The following EPM2A variants were observed in gnomAD, a reference collection of about 807,000 sequenced individuals.
EPM2A encodes EPM2A glucan phosphatase, laforin.
EPM2A carries 21 observed loss-of-function variants against 26.5 expected under a neutral mutation model. The ratio of observed to expected loss-of-function variants is 0.79; its 90% CI spans 0.56 to 1.14. The LOEUF (loss-of-function observed/expected upper bound fraction) is 1.14. Among genes scored for constraint, EPM2A ranks in the 50% most tolerant of loss-of-function variants. The pLI is 0.00. For synonymous variants in EPM2A, 217 were observed against 177.6 expected (o/e 1.22, Z -1.76); for missense variants, 458 against 440.8 (o/e 1.04, Z -0.35).
At chr6:145,430,536 G>C (rs975182822) in intron 4 of EPM2A, among the ~76,000 whole-genome samples, 9 of 151,872 alleles carry the variant, frequency 5.9e-5, no homozygotes, top group Non-Finnish European at 1.3e-4. Flanking sequence ...GGAGGGCGGA[G>C]GTTGCAGTGA....
At chr6:145,655,632 G>A (rs1199213559) in intron 2 of EPM2A, among the ~76,000 whole-genome samples, 1 of 152,140 alleles carries the variant, frequency 6.6e-6, no homozygotes, top group Non-Finnish European at 1.5e-5. Context: ...TATGGTACCT[G>A]AAGAGGATGT....
chr6:145,648,461 T>C (rs1356957725), intron 2 of EPM2A, among the ~76,000 whole-genome samples: 1 of 152,228 alleles, frequency 6.6e-6, no homozygotes, highest in Non-Finnish European at 1.5e-5. Flanking sequence ...TTTTTATTAA[T>C]TATAACCCAT....
intron 2 of EPM2A, among the ~76,000 whole-genome samples, chr6:145,542,694 A>G (rs1780529679): frequency 1.3e-5 from 2 of 152,092 alleles, no homozygotes; most frequent in African/African-American, 4.8e-5. Context: ...TCTTTAGTCT[A>G]TGATACTTGG....
chr6:145,387,905 T>G (rs1778284576), intron 4 of EPM2A, among the ~76,000 whole-genome samples: 1 of 151,964 alleles, frequency 6.6e-6, no homozygotes. Flanking sequence ...GGTGGTTTTC[T>G]GTCAGGTTGA....
intron 4 of EPM2A, among the ~76,000 whole-genome samples, chr6:145,445,217 T>G (rs1222485823): frequency 2.0e-5 from 3 of 152,198 alleles, no homozygotes; most frequent in Non-Finnish European, 4.4e-5. Context: ...TAGGCATGTG[T>G]GGCCTTCTAG....
intron 4 of EPM2A, among the ~76,000 whole-genome samples, chr6:145,443,549 A>G (rs1008935156): frequency 6.6e-6 from 1 of 152,210 alleles, no homozygotes; most frequent in Non-Finnish European, 1.5e-5. Context: ...GTTACTGTAT[A>G]GGAATGCTAC....
chr6:145,392,897 C>T (rs559952471), intron 4 of EPM2A, among the ~76,000 whole-genome samples: 52 of 151,902 alleles, frequency 3.4e-4, no homozygotes, highest in Admixed American at 6.6e-4. Context: ...TTAATTAAGG[C>T]CATCCTAGTA....
intron 2 of EPM2A, among the ~76,000 whole-genome samples, chr6:145,520,128 A>G (rs1780183808): frequency 6.6e-6 from 1 of 152,208 alleles, no homozygotes; most frequent in Non-Finnish European, 1.5e-5. Flanking sequence ...AAATATAATC[A>G]TGGCTCATCC....
intron 2 of EPM2A, among the ~76,000 whole-genome samples, chr6:145,604,936 A>G (rs1775194952): frequency 6.6e-6 from 1 of 152,158 alleles, no homozygotes; most frequent in Non-Finnish European, 1.5e-5. Context: ...AGGTATGTGG[A>G]TGGTTTGCTA....
intron 2 of EPM2A, among the ~76,000 whole-genome samples, chr6:145,660,540 G>A (rs957495452): frequency 6.6e-5 from 10 of 152,144 alleles, no homozygotes; most frequent in African/African-American, 2.4e-4. Context: ...GGTAGCTCAC[G>A]CCTGTAGTCC....
At chr6:145,637,870 A>G (rs1776810727) in intron 2 of EPM2A, 2 of 152,206 alleles carry the variant, frequency 1.3e-5, no homozygotes. Context: ...AGATCTTTCA[A>G]AGATCCCTTA....
At chr6:145,654,982 G>A (rs112676069) in intron 2 of EPM2A, among the ~76,000 whole-genome samples, 1 of 152,010 alleles carries the variant, frequency 6.6e-6, no homozygotes, top group East Asian at 1.9e-4. Flanking sequence ...AGCTTCTTGA[G>A]TGTACATTAT....
In EPM2A at chr6:145,619,080, G is replaced by A. The variant is rs7739072; in HGVS notation, c.340+16165C>T. Among the ~76,000 whole-genome samples, 269 of 152,174 alleles carry A rather than the reference G, an allele frequency of 1.8e-3. 1 individual carries two copies. The highest frequency in any genetic ancestry group is 6.2e-3 in the African/African-American group (256 of 41,532). The stretch of plus-strand genomic sequence containing the variant: ...AAATGGAGGAGAGATGGCAAAGATG[G>A]CATTCAAGTTTCTAACTTGGGAAAT... On this transcript the variant is annotated intron_variant, in intron 2 of 3. Transcript: ENST00000450221.
intron 2 of EPM2A, among the ~76,000 whole-genome samples, chr6:145,593,668 C>T (rs1305225194): frequency 1.3e-5 from 2 of 151,962 alleles, no homozygotes; most frequent in Non-Finnish European, 2.9e-5. Flanking sequence ...AAACAACTCA[C>T]TGCTAAATAA....
At chr6:145,731,980 A>G (rs972230365) in intron 1 of EPM2A, among the ~76,000 whole-genome samples, 13 of 152,202 alleles carry the variant, frequency 8.5e-5, no homozygotes, top group African/African-American at 3.1e-4. Context: ...TTTTAAGACC[A>G]GAATACTGTA....
At chr6:145,490,413 T>C in intron 4 of EPM2A, 1 of 782,654 alleles carries the variant, frequency 1.3e-6, no homozygotes, top group Non-Finnish European at 2.3e-6. Context: ...GGGTGCTATT[T>C]CTAGCAAATC....
At chr6:145,511,204 A>C (rs1780050500) in intron 2 of EPM2A, among the ~76,000 whole-genome samples, 1 of 152,068 alleles carries the variant, frequency 6.6e-6, no homozygotes, top group African/African-American at 2.4e-5. Flanking sequence ...TCTGGTACCA[A>C]TTTATATTCC....
chr6:145,734,645 A>C (rs146479205), intron 1 of EPM2A: 69 of 152,400 alleles, frequency 4.5e-4, no homozygotes, highest in African/African-American at 1.7e-3. Flanking sequence ...GTCTAGGATT[A>C]GCGAAAACGC....
chr6:145,730,805 G>C (rs548498265), intron 1 of EPM2A, among the ~76,000 whole-genome samples: 2 of 152,316 alleles, frequency 1.3e-5, no homozygotes, highest in South Asian at 4.1e-4. Flanking sequence ...TTACGAGAAA[G>C]AATCAGTAGG....
Sources: allele counts gnomAD v4.1 joint callset (sites outside exome capture counted in the v4.1 genomes callset), GRCh38; gene constraint gnomAD v4.1.1; transcripts MANE v1.5; gene names NCBI Gene and HGNC (gene_info 2026-07-23, HGNC 2026-07-21).